PLCL1: variants seen among roughly 807,000 people sequenced by gnomAD.
The protein encoded by PLCL1 is inactive phospholipase C-like protein 1.
Under a neutral mutation model 84.4 loss-of-function variants are expected in PLCL1, and 41 were observed. The ratio of observed to expected loss-of-function variants is 0.49; its 90% confidence interval spans 0.38 to 0.63. PLCL1 has a LOEUF of 0.63. Among genes scored for constraint, PLCL1 ranks in the 30% least tolerant of loss-of-function variants. PLCL1 has a pLI of 0.00. For missense variants in PLCL1, 1,206 were observed against 1,367.8 expected, an observed-to-expected ratio of 0.88 and a Z score of 1.87; for synonymous variants, 490 against 488.3, an observed-to-expected ratio of 1.00 and a Z score of -0.05.
intron 1 of PLCL1, among the ~76,000 whole-genome samples, chr2:197,934,939 GAAAC>G (rs955867666): frequency 1.3e-5 from 2 of 151,912 alleles, no homozygotes; most frequent in African/African-American, 4.8e-5. Flanking sequence ...TAACAAGCAA[GAAAC>G]AAACAACTCC....
intron 1 of PLCL1, among the ~76,000 whole-genome samples, chr2:197,868,508 C>CT (rs966489759): frequency 3.3e-5 from 5 of 151,164 alleles, no homozygotes; most frequent in Admixed American, 6.6e-5. Context: ...AAATTTTACA[C>CT]TTTTTTTTTA....
intron 1 of PLCL1, among the ~76,000 whole-genome samples, chr2:198,066,857 C>T (rs935549417): frequency 1.4e-4 from 21 of 152,092 alleles, no homozygotes; most frequent in African/African-American, 3.4e-4. Context: ...TCAGGGGATG[C>T]GTAGTACCCC....
chr2:198,145,549 A>C (rs1694498279), intron 5 of PLCL1, among the ~76,000 whole-genome samples: 1 of 152,204 alleles, frequency 6.6e-6, no homozygotes, highest in African/African-American at 2.4e-5. Flanking sequence ...CTCTTCTTCC[A>C]AAATCCCATA....
At chr2:197,936,245 A>G (rs1341309919) in intron 1 of PLCL1, among the ~76,000 whole-genome samples, 1 of 151,190 alleles carries the variant, frequency 6.6e-6, no homozygotes, top group East Asian at 1.9e-4. Context: ...ATATCTCTTC[A>G]GCATATTGAT....
At chr2:197,998,752 C>T (rs138540440) in intron 1 of PLCL1, among the ~76,000 whole-genome samples, 206 of 152,226 alleles carry the variant, frequency 1.4e-3, no homozygotes, top group African/African-American at 4.7e-3. Context: ...GCTCATTCAC[C>T]CACTCCTTTT....
intron 1 of PLCL1, among the ~76,000 whole-genome samples, chr2:198,016,275 T>G (rs1470053360): frequency 6.6e-6 from 1 of 152,194 alleles, no homozygotes; most frequent in Non-Finnish European, 1.5e-5. Flanking sequence ...GTAAAAGATC[T>G]ACATGCTCAT....
chr2:197,832,386 A>C (rs1209746489), intron 1 of PLCL1, among the ~76,000 whole-genome samples: 1 of 152,228 alleles, frequency 6.6e-6, no homozygotes. Context: ...CCTCTACGCA[A>C]ATAAACTAGA....
chr2:198,074,404 T>G lies in PLCL1; in HGVS notation c.241-9354T>G, dbSNP rs1692531350. Among the ~76,000 whole-genome samples the G allele has an allele frequency of 2.6e-5, 4 of 152,238 alleles. No homozygotes were observed. In the South Asian group the frequency reaches 8.3e-4, roughly 32 times the overall value. ...ATAATATTGAAGCACATTGGGTATT[T>G]CCTTTTCAGTTTTAAATATGCTTAA... On this transcript the variant is annotated intron_variant, in intron 1 of 5. Transcript: ENST00000428675.
intron 1 of PLCL1, among the ~76,000 whole-genome samples, chr2:197,981,494 T>C (rs1690104039): frequency 6.6e-6 from 1 of 152,208 alleles, no homozygotes; most frequent in South Asian, 2.1e-4. Flanking sequence ...TCCTGATCTG[T>C]ATAGGTTATT....
At chr2:197,832,106 A>T (rs190899421) in intron 1 of PLCL1, among the ~76,000 whole-genome samples, 3 of 152,342 alleles carry the variant, frequency 2.0e-5, no homozygotes, top group East Asian at 3.9e-4. Flanking sequence ...CTAGAGAAGC[A>T]AGATCAAACA....
At chr2:198,142,591 C>T (rs567381481) in intron 5 of PLCL1, among the ~76,000 whole-genome samples, 6 of 152,210 alleles carry the variant, frequency 3.9e-5, no homozygotes, top group South Asian at 2.1e-4. Context: ...CTATAATGAT[C>T]TCTGTGGCTT....
rs1473039932 is a variant in PLCL1 at position 198,084,068 on chromosome 2, T to C, written c.551T>C (p.Ile184Thr). 1.9e-6 allele frequency: 3 copies of C among 1,614,004 alleles called. No homozygotes were observed. In the African/African-American group the frequency reaches 4.0e-5, roughly 22 times the overall value. The change falls in exon 2 of 6, where the codon ATC (isoleucine) becomes ACC (threonine). Residue 184 changes from isoleucine to threonine, a missense_variant. By Grantham distance (89) the Ile-to-Thr change is moderately conservative. Transcript: ENST00000428675. ...AGAAACAATGGCCTTGCTGACCAGA[T>C]CTGTGAGGACTGTGCCTTTTCCATA... ...TFRNNGLADQ[I>T]CEDCAFSILH...
intron 1 of PLCL1, among the ~76,000 whole-genome samples, chr2:197,924,234 C>G (rs2105759614): frequency 6.6e-6 from 1 of 151,462 alleles, no homozygotes; most frequent in East Asian, 1.9e-4. Flanking sequence ...TAGCTTTACC[C>G]TAGCCGTAGG....
rs560637039 is a variant in PLCL1, at chr2:198,013,652, G to A, written c.241-70106G>A. ...TCTGAATTTAAGGCAAATATGGGTG[G>A]CGATTAGACCAATTATAGACAAACA... On this transcript the variant is annotated intron_variant, in intron 1 of 5. Coordinates refer to ENST00000428675, the MANE Select transcript of PLCL1 (RefSeq NM_006226.4). Among the ~76,000 whole-genome samples, 124 of 152,208 alleles carry A rather than the reference G, an allele frequency of 8.1e-4. 2 individuals carry two copies. The South Asian group carries it at 0.025, about 31-fold the overall frequency.
At chr2:198,055,486 A>G (rs1160966865) in intron 1 of PLCL1, among the ~76,000 whole-genome samples, 1 of 149,522 alleles carries the variant, frequency 6.7e-6, no homozygotes, top group Non-Finnish European at 1.5e-5. Context: ...TCTTAAATAC[A>G]TCAATATTCT....
At position 197,903,468 on chromosome 2, in the gene PLCL1, ATTTTTTTTTTTTTTT is replaced by A. The variant is rs3056105; in HGVS notation, c.240+98148_240+98162del. On this transcript the variant is annotated intron_variant, in intron 1 of 5. Transcript: ENST00000428675. ...GTATCTTCCTTTTTACTCCATTTAA[ATTTTTTTTTTTTTTT>A]TTTTTTTTTTTTTTTTTTGAGACGG... 4.0e-4 allele frequency among the ~76,000 whole-genome samples: 19 copies of A among 47,796 alleles called. 1 individual carries two copies. Among genetic ancestry groups the A allele is most frequent in the South Asian group, 1.1e-3 (1 of 898 alleles). 31.4% of individuals were successfully genotyped at this position (47,796 alleles called of 152,430 possible). A position where few individuals can be genotyped will look rare whatever the true frequency, so the allele number is the denominator to read the frequency against.
At chr2:197,941,485 T>G (rs1269447051) in intron 1 of PLCL1, among the ~76,000 whole-genome samples, 1 of 152,024 alleles carries the variant, frequency 6.6e-6, no homozygotes, top group East Asian at 1.9e-4. Context: ...AGAGATAGGG[T>G]CTTACTATGT....
At chr2:197,915,123 A>C (rs2105749448) in intron 1 of PLCL1, among the ~76,000 whole-genome samples, 1 of 152,346 alleles carries the variant, frequency 6.6e-6, no homozygotes, top group East Asian at 1.9e-4. Flanking sequence ...GACAGTTTGC[A>C]GCTCAGGTAA....
At chr2:197,857,781 G>A (rs1687357001) in intron 1 of PLCL1, among the ~76,000 whole-genome samples, 1 of 152,046 alleles carries the variant, frequency 6.6e-6, no homozygotes, top group South Asian at 2.1e-4. Flanking sequence ...CAAATAGAAT[G>A]AATGAAAAAA....
Sources: allele counts gnomAD v4.1 joint callset (sites outside exome capture counted in the v4.1 genomes callset), GRCh38; gene constraint gnomAD v4.1.1; transcripts MANE v1.5; gene names NCBI Gene and HGNC (gene_info 2026-07-23, HGNC 2026-07-21).